Variants in PRRG1 observed in about 807,000 individuals in gnomAD.
The protein encoded by PRRG1 is transmembrane gamma-carboxyglutamic acid protein 1.
PRRG1 carries 5 observed loss-of-function variants against 11.8 expected under a neutral mutation model. The observed-to-expected ratio is 0.42, with a 90% confidence interval of 0.22 to 0.89. The LOEUF is 0.89. Ranked by LOEUF, PRRG1 falls within the 40% of genes least tolerant of loss-of-function variation. The pLI, the probability that PRRG1 is intolerant of heterozygous loss-of-function variation, is 0.28. For missense variants in PRRG1, 155 were observed against 166.1 expected, an observed-to-expected ratio of 0.93 and a Z score of 0.37; for synonymous variants, 66 against 60.4, an observed-to-expected ratio of 1.09 and a Z score of -0.43.
chrX:37,441,128 G>A, intron 3 of PRRG1: 1 of 863,270 alleles, frequency 1.2e-6, no homozygotes, highest in Non-Finnish European at 1.4e-6. Flanking sequence ...ACTAAATCTG[G>A]AAGGAGCTAT....
chrX:37,378,471 T>C (rs1450884705), intron 1 of PRRG1, among the ~76,000 whole-genome samples: 2 of 111,882 alleles, frequency 1.8e-5, no homozygotes, highest in East Asian at 5.6e-4. Flanking sequence ...TAAATTGATA[T>C]GTAGGAGCAG....
chrX:37,357,177 A>G (rs782545663), intron 1 of PRRG1, among the ~76,000 whole-genome samples: 85 of 111,017 alleles, frequency 7.7e-4, no homozygotes, highest in Middle Eastern at 4.7e-3. Flanking sequence ...CGGCTTTTTC[A>G]TATTGGTTTC....
At chrX:37,424,530 G>C (rs1932751472) in intron 2 of PRRG1, among the ~76,000 whole-genome samples, 1 of 110,694 alleles carries the variant, frequency 9.0e-6, no homozygotes, top group South Asian at 3.9e-4. Flanking sequence ...ACCACAATTT[G>C]TATTTTTTAA....
chrX:37,368,929 G>T (rs1930671265), intron 1 of PRRG1, among the ~76,000 whole-genome samples: 1 of 110,665 alleles, frequency 9.0e-6, no homozygotes, highest in African/African-American at 3.3e-5. Context: ...AGTAAAATAT[G>T]GAAATCTTAC....
chrX:37,376,569 A>ATATATATATATATATATATATATATG (rs1324925971), intron 1 of PRRG1, among the ~76,000 whole-genome samples: 1 of 81,401 alleles, frequency 1.2e-5, no homozygotes, highest in Non-Finnish European at 2.5e-5. Context: ...ATATATATAT[A>ATATATATATATATATATATATATATG]TATGTGCTGA....
At chrX:37,436,759 G>T (rs1391364902) in intron 3 of PRRG1, among the ~76,000 whole-genome samples, 1 of 112,323 alleles carries the variant, frequency 8.9e-6, no homozygotes, top group African/African-American at 3.2e-5. Flanking sequence ...AAGGGAGGTG[G>T]AAGTCCAGTC....
At chrX:37,396,649 T>C (rs1488954270) in intron 1 of PRRG1, among the ~76,000 whole-genome samples, 1 of 111,165 alleles carries the variant, frequency 9.0e-6, no homozygotes. Context: ...AATTTCCCAG[T>C]CTCAGGTATG....
chrX:37,400,504 G>A (rs1186498250), intron 1 of PRRG1, among the ~76,000 whole-genome samples: 67 of 110,814 alleles, frequency 6.0e-4, no homozygotes, highest in Admixed American at 2.0e-3. Context: ...GAAATTTATA[G>A]CACTAAATGC....
At chrX:37,427,039 C>T (rs1556388630) in intron 3 of PRRG1, among the ~76,000 whole-genome samples, 1 of 111,331 alleles carries the variant, frequency 9.0e-6, no homozygotes. Flanking sequence ...TAGTGTTTTG[C>T]ACCATAAAGT....
rs1556398281 is a variant in PRRG1, at chrX:37,455,996, A to G, written c.*2375A>G. The stretch of plus-strand genomic sequence containing the variant: ...TGTGAAGACATTGTCTTTTCACTCT[A>G]TCTCAAAAAAAGTGTTGCAAATGTA... On this transcript the variant is annotated 3_prime_UTR_variant, in exon 4 of 4. Coordinates refer to ENST00000378628, the MANE Select transcript of PRRG1 (RefSeq NM_001142395.2). 3 of 112,243 alleles carry G rather than the reference A, an allele frequency of 2.7e-5. No homozygotes were observed. The highest frequency in any genetic ancestry group is 3.7e-4 in the South Asian group (1 of 2,701). 9.3% of individuals were successfully genotyped at this position (112,243 alleles called of 1,213,427 possible). A position where few individuals can be genotyped will look rare whatever the true frequency, so the allele number is the denominator to read the frequency against.
intron 3 of PRRG1, among the ~76,000 whole-genome samples, chrX:37,432,374 CTG>C (rs1932840636): frequency 1.8e-5 from 2 of 112,236 alleles, no homozygotes; most frequent in Non-Finnish European, 3.8e-5. Flanking sequence ...GCGTGAGCCA[CTG>C]CACCCGGACC....
Position 37,453,428 on chromosome X carries a change from G to A in PRRG1, c.464G>A (p.Arg155His), listed in dbSNP as rs1556397286. 2.5e-6 allele frequency: 3 copies of A among 1,205,662 alleles called. No homozygotes were observed. Among genetic ancestry groups the A allele is most frequent in the Admixed American group, 4.4e-5 (2 of 45,202 alleles). ...SPGFLGYVVG[R>H]SDSVSTRLSN... ...GGCTTTCTGGGATATGTAGTTGGGC[G>A]CTCAGATTCCGTCTCTACTCGCCTG... The change falls in exon 4 of 4, where the codon CGC (arginine) becomes CAC (histidine). Residue 155 changes from arginine (R) to histidine (H), a missense_variant. By Grantham distance (29) the Arg-to-His change is conservative. Transcript: ENST00000378628.
chrX:37,400,288 G>A (rs1602003074), intron 1 of PRRG1, among the ~76,000 whole-genome samples: 2 of 111,866 alleles, frequency 1.8e-5, no homozygotes, highest in African/African-American at 6.5e-5. Context: ...CTGTCTCTCA[G>A]ACCACAGTGC....
chrX:37,385,852 C>T (rs2031571461), intron 1 of PRRG1, among the ~76,000 whole-genome samples: 1 of 110,529 alleles, frequency 9.0e-6, no homozygotes. Flanking sequence ...CCTCTGCCTA[C>T]CAGGCTCAAG....
At chrX:37,362,129 T>C (rs73466223) in intron 1 of PRRG1, among the ~76,000 whole-genome samples, 1,503 of 112,269 alleles carry the variant, frequency 0.013, 32 homozygotes, top group African/African-American at 0.045. Context: ...TATTTAGGTT[T>C]ATAAACAGTC....
At chrX:37,431,699 G>T (rs934940749) in intron 3 of PRRG1, among the ~76,000 whole-genome samples, 5 of 111,585 alleles carry the variant, frequency 4.5e-5, no homozygotes, top group African/African-American at 9.8e-5. Flanking sequence ...TGTATTAATT[G>T]TATATTCTAC....
intron 3 of PRRG1, among the ~76,000 whole-genome samples, chrX:37,446,592 C>T (rs782028913): frequency 6.2e-5 from 7 of 112,067 alleles, no homozygotes; most frequent in African/African-American, 1.9e-4. Context: ...GATTACCTTC[C>T]TTAGGAGTTT....
intron 3 of PRRG1, among the ~76,000 whole-genome samples, chrX:37,438,084 T>G (rs1556392456): frequency 9.0e-6 from 1 of 110,561 alleles, no homozygotes; most frequent in Non-Finnish European, 1.9e-5. Flanking sequence ...TGGTGGCATG[T>G]GCCTGTAGTC....
intron 1 of PRRG1, among the ~76,000 whole-genome samples, chrX:37,401,666 A>G (rs1602004921): frequency 9.0e-6 from 1 of 111,442 alleles, no homozygotes; most frequent in South Asian, 3.9e-4. Flanking sequence ...AATAAAGGGT[A>G]TTCAATTAGG....
Sources: allele counts gnomAD v4.1 joint callset (sites outside exome capture counted in the v4.1 genomes callset), GRCh38; gene constraint gnomAD v4.1.1; transcripts MANE v1.5; gene names NCBI Gene and HGNC (gene_info 2026-07-23, HGNC 2026-07-21).